Variants in GMDS observed in about 807,000 individuals in gnomAD.
The protein encoded by GMDS is GDP-mannose 4,6 dehydratase.
Under a neutral mutation model 49.9 loss-of-function variants are expected in GMDS, and 20 were observed. The observed-to-expected ratio is 0.40, with a 90% CI of 0.28 to 0.58. The LOEUF is 0.58. Ranked by LOEUF, GMDS falls within the 20% of genes least tolerant of loss-of-function variation. The pLI is 0.42. For synonymous variants in GMDS, 177 were observed against 178.6 expected (o/e 0.99, Z 0.07); for missense variants, 362 against 481.4 (o/e 0.75, Z 2.32).
At chr6:2,067,875 A>C (rs1347559814) in intron 4 of GMDS, among the ~76,000 whole-genome samples, 1 of 151,828 alleles carries the variant, frequency 6.6e-6, no homozygotes, top group South Asian at 2.1e-4. Flanking sequence ...AAACTATTTC[A>C]ATCAATAGAA....
At chr6:1,983,234 C>A (rs753901488) in intron 4 of GMDS, among the ~76,000 whole-genome samples, 5 of 152,026 alleles carry the variant, frequency 3.3e-5, no homozygotes, top group African/African-American at 7.2e-5. Flanking sequence ...CAACTCAACA[C>A]GGACTAAAGA....
rs866996115 is a variant in GMDS at position 1,819,782 on chromosome 6, T to A, written c.772-77196A>T. 4.6e-3 allele frequency among the ~76,000 whole-genome samples: 670 copies of A among 144,212 alleles called. 4 individuals are homozygous for A. The highest frequency in any genetic ancestry group is 9.1e-3 in the South Asian group (42 of 4,608). 94.6% of individuals were successfully genotyped at this position (144,212 alleles called of 152,430 possible). A position where few individuals can be genotyped will look rare whatever the true frequency, so the allele number is the denominator to read the frequency against. On this transcript the variant is annotated intron_variant, in intron 7 of 10. Transcript: ENST00000380815. ...CCTCAAAAAAAAAAAAAAAAATATATATATATATATATATATCTACCTTGG... is the reference window on the plus strand; with the variant it reads ...CCTCAAAAAAAAAAAAAAAAATATAAATATATATATATATATCTACCTTGG...
intron 7 of GMDS, among the ~76,000 whole-genome samples, chr6:1,869,410 G>A (rs192696156): frequency 6.6e-6 from 1 of 152,260 alleles, no homozygotes; most frequent in East Asian, 1.9e-4. Context: ...CTAATTTGAG[G>A]CCGATTGAGG....
chr6:1,885,211 A>G (rs1759545368), intron 7 of GMDS, among the ~76,000 whole-genome samples: 1 of 152,320 alleles, frequency 6.6e-6, no homozygotes, highest in South Asian at 2.1e-4. Context: ...AAAACTCTGT[A>G]ATTTATTAGA....
intron 9 of GMDS, among the ~76,000 whole-genome samples, chr6:1,712,728 T>C (rs1264608460): frequency 6.6e-6 from 1 of 150,592 alleles, no homozygotes; most frequent in Non-Finnish European, 1.5e-5. Context: ...GAAAAAGTTA[T>C]AAAGATGGAG....
At chr6:2,197,265 C>T (rs963081213) in intron 1 of GMDS, among the ~76,000 whole-genome samples, 11 of 152,146 alleles carry the variant, frequency 7.2e-5, no homozygotes, top group South Asian at 4.1e-4. Flanking sequence ...GACTCAAGGC[C>T]GCCCAGCTCT....
At chr6:1,898,644 A>T (rs1760344427) in intron 7 of GMDS, among the ~76,000 whole-genome samples, 1 of 152,144 alleles carries the variant, frequency 6.6e-6, no homozygotes, top group African/African-American at 2.4e-5. Context: ...ACAACTAACC[A>T]CAAGTGTCCT....
At chr6:1,996,994 C>T (rs1432305457) in intron 4 of GMDS, among the ~76,000 whole-genome samples, 1 of 151,840 alleles carries the variant, frequency 6.6e-6, no homozygotes, top group Non-Finnish European at 1.5e-5. Context: ...TCTTCTGATG[C>T]CCACCTCACT....
chr6:1,798,071 AG>A lies in GMDS; in HGVS notation c.772-55486del, dbSNP rs149556611. 5.0e-3 allele frequency among the ~76,000 whole-genome samples: 769 copies of A among 152,330 alleles called. 7 individuals are homozygous for A. Among genetic ancestry groups the A allele is most frequent in the African/African-American group, 0.018 (738 of 41,572 alleles). On this transcript the variant is annotated intron_variant, in intron 7 of 10. Transcript: ENST00000380815. Reference sequence around the variant, plus strand: ...TGCAATTCTTGAACAAAGGAGTCAAAGGACACAAAGTTTTCACATTTTTCCA... The same window carrying A: ...TGCAATTCTTGAACAAAGGAGTCAAAGACACAAAGTTTTCACATTTTTCCA...
intron 4 of GMDS, among the ~76,000 whole-genome samples, chr6:2,061,823 A>T (rs2127448061): frequency 6.6e-6 from 1 of 152,236 alleles, no homozygotes; most frequent in South Asian, 2.1e-4. Context: ...ACAGCCCCAA[A>T]TAAAACAATA....
chr6:1,636,872 G>A (rs1389733389), intron 9 of GMDS, among the ~76,000 whole-genome samples: 1 of 152,222 alleles, frequency 6.6e-6, no homozygotes, highest in Non-Finnish European at 1.5e-5. Flanking sequence ...GCCTAGGCCT[G>A]GCCCTGTAGC....
At chr6:2,224,577 T>C (rs1435951764) in intron 1 of GMDS, among the ~76,000 whole-genome samples, 1 of 152,208 alleles carries the variant, frequency 6.6e-6, no homozygotes, top group Non-Finnish European at 1.5e-5. Context: ...AATTTTATAG[T>C]TATAGGAGCG....
At chr6:1,624,890 C>G in intron 9 of GMDS, 1 of 186,958 alleles carries the variant, frequency 5.3e-6, no homozygotes, top group South Asian at 1.5e-4. Flanking sequence ...CCTATGAGAA[C>G]TGTTTGGAAT....
At chr6:2,130,197 T>C (rs1477427318) in intron 1 of GMDS, among the ~76,000 whole-genome samples, 1 of 151,772 alleles carries the variant, frequency 6.6e-6, no homozygotes, top group African/African-American at 2.4e-5. Flanking sequence ...ATAGAGCCAA[T>C]AATTATCAAT....
intron 1 of GMDS, chr6:2,175,971 C>T (rs1044358707): frequency 6.5e-7 from 1 of 1,531,958 alleles, no homozygotes; most frequent in Middle Eastern, 1.7e-4. Context: ...GGTAACGCTC[C>T]CAACAAACTG....
At chr6:2,172,263 T>C (rs1033888840) in intron 1 of GMDS, among the ~76,000 whole-genome samples, 7 of 151,474 alleles carry the variant, frequency 4.6e-5, no homozygotes, top group African/African-American at 1.5e-4. Flanking sequence ...CTCAAGAAGA[T>C]AAAAATAAAA....
intron 4 of GMDS, among the ~76,000 whole-genome samples, chr6:2,059,327 A>C (rs999192657): frequency 2.0e-5 from 3 of 152,034 alleles, no homozygotes; most frequent in Non-Finnish European, 4.4e-5. Context: ...GAATATTAGA[A>C]AATATTTCAC....
chr6:1,705,414 C>CA (rs1397530897), intron 9 of GMDS, among the ~76,000 whole-genome samples: 1 of 152,210 alleles, frequency 6.6e-6, no homozygotes, highest in Admixed American at 6.5e-5. Flanking sequence ...TCTCGATAGG[C>CA]AGGTGGTAAG....
intron 4 of GMDS, among the ~76,000 whole-genome samples, chr6:1,962,969 C>T (rs940509249): frequency 2.0e-5 from 3 of 150,950 alleles, no homozygotes; most frequent in Non-Finnish European, 3.0e-5. Context: ...CTCTGCCTCC[C>T]GGGTTCAAGT....
Sources: gnomAD v4.1 joint callset for allele counts (sites outside exome capture counted in the v4.1 genomes callset) on GRCh38, gnomAD v4.1.1 for gene constraint, MANE v1.5 for transcripts, NCBI Gene and HGNC (gene_info 2026-07-23, HGNC 2026-07-21) for gene names.